The following GPC5 variants were observed in gnomAD, a reference collection of about 807,000 sequenced individuals.
The protein encoded by GPC5 is glypican 5.
In GPC5, 47 loss-of-function variants were observed where a neutral mutation model predicts 53.9. That is an observed-to-expected ratio of 0.87 (90% CI 0.69 to 1.11). The LOEUF (loss-of-function observed/expected upper bound fraction) is 1.11, where lower values mean the gene tolerates loss of function less well. Among genes scored for constraint, GPC5 ranks in the 50% most tolerant of loss-of-function variants. GPC5 has a pLI of 0.00. For synonymous variants in GPC5, 286 were observed against 263.3 expected, an observed-to-expected ratio of 1.09 and a Z score of -0.84; for missense variants, 748 against 713.1, an observed-to-expected ratio of 1.05 and a Z score of -0.56.
chr13:91,643,881 A>C (rs537075483), intron 2 of GPC5, among the ~76,000 whole-genome samples: 2 of 152,172 alleles, frequency 1.3e-5, no homozygotes, highest in South Asian at 4.2e-4. Context: ...TTTTGTTTTC[A>C]ATGACCCTGT....
At chr13:92,267,087 A>G (rs1344991641) in intron 7 of GPC5, among the ~76,000 whole-genome samples, 1 of 151,906 alleles carries the variant, frequency 6.6e-6, no homozygotes, top group Admixed American at 6.6e-5. Context: ...CTTCTGCACA[A>G]TTCATTTCTT....
chr13:91,864,856 A>T (rs887799426), intron 5 of GPC5, among the ~76,000 whole-genome samples: 1 of 151,800 alleles, frequency 6.6e-6, no homozygotes, highest in African/African-American at 2.4e-5. Context: ...TGCACACATT[A>T]TAGCAAACAC....
intron 7 of GPC5, among the ~76,000 whole-genome samples, chr13:92,215,958 G>GA (rs763297578): frequency 1.3e-5 from 2 of 152,146 alleles, no homozygotes; most frequent in Non-Finnish European, 2.9e-5. Context: ...AGTGCATGGT[G>GA]AGAGGGTCTG....
At chr13:91,538,349 A>T (rs990709369) in intron 2 of GPC5, among the ~76,000 whole-genome samples, 1 of 152,194 alleles carries the variant, frequency 6.6e-6, no homozygotes, top group Non-Finnish European at 1.5e-5. Flanking sequence ...CATTCCATCC[A>T]TATTGCAAAA....
chr13:91,967,298 T>C (rs1343582581), intron 6 of GPC5, among the ~76,000 whole-genome samples: 5 of 152,198 alleles, frequency 3.3e-5, no homozygotes, highest in Admixed American at 6.5e-5. Flanking sequence ...ATGGGAATTA[T>C]GGGAGCTACA....
intron 7 of GPC5, among the ~76,000 whole-genome samples, chr13:92,708,857 CTTTTTTTTTTTTTTTTTTTT>C (rs752130758): frequency 4.4e-4 from 21 of 48,182 alleles, no homozygotes; most frequent in East Asian, 9.1e-4. Context: ...TGGAAACCGC[CTTTTTTTTTTTTTTTTTTTT>C]TTTTTTTTTT....
intron 7 of GPC5, among the ~76,000 whole-genome samples, chr13:92,846,890 A>G (rs1310509384): frequency 6.6e-6 from 1 of 152,214 alleles, no homozygotes; most frequent in Non-Finnish European, 1.5e-5. Flanking sequence ...TGCCCATCTC[A>G]AAGTCTTTCT....
At chr13:91,435,503 T>A (rs1398736334) in intron 1 of GPC5, among the ~76,000 whole-genome samples, 1 of 152,242 alleles carries the variant, frequency 6.6e-6, no homozygotes, top group Admixed American at 6.5e-5. Context: ...GATTTGCGTA[T>A]GTTGAACCAG....
chr13:92,607,071 T>C (rs927129206), intron 7 of GPC5, among the ~76,000 whole-genome samples: 5 of 152,208 alleles, frequency 3.3e-5, no homozygotes, highest in Admixed American at 6.5e-5. Context: ...TATGTAGATT[T>C]GATGTTCTGA....
chr13:92,284,641 C>A (rs1477091216), intron 7 of GPC5, among the ~76,000 whole-genome samples: 1 of 152,114 alleles, frequency 6.6e-6, no homozygotes, highest in Non-Finnish European at 1.5e-5. Flanking sequence ...AGACAAAAAA[C>A]ACATGATTAT....
chr13:91,766,845 G>C (rs1198741895), intron 5 of GPC5, among the ~76,000 whole-genome samples: 1 of 152,168 alleles, frequency 6.6e-6, no homozygotes, highest in African/African-American at 2.4e-5. Flanking sequence ...GGGTGACAGA[G>C]AGAGACTTTA....
intron 7 of GPC5, among the ~76,000 whole-genome samples, chr13:92,290,573 G>C (rs564508507): frequency 3.8e-4 from 58 of 152,318 alleles, no homozygotes; most frequent in Admixed American, 2.4e-3. Context: ...TTATGAGGGA[G>C]AACATAGGAT....
intron 3 of GPC5, among the ~76,000 whole-genome samples, chr13:91,694,693 T>G (rs1179253093): frequency 4.6e-5 from 7 of 152,132 alleles, no homozygotes; most frequent in Non-Finnish European, 7.4e-5. Flanking sequence ...GAAATAAAAT[T>G]ATACTCTCCA....
intron 5 of GPC5, among the ~76,000 whole-genome samples, chr13:91,815,965 A>G (rs2038392873): frequency 1.3e-5 from 2 of 152,058 alleles, no homozygotes; most frequent in Non-Finnish European, 2.9e-5. Flanking sequence ...GATATATTGT[A>G]TTTGATTATG....
intron 7 of GPC5, among the ~76,000 whole-genome samples, chr13:92,296,503 G>T (rs1376316798): frequency 1.4e-4 from 22 of 152,136 alleles, no homozygotes; most frequent in Admixed American, 1.4e-3. Flanking sequence ...CAGCATGCTG[G>T]CAGCCCTCAG....
chr13:92,470,274 A>G (rs1404288279), intron 7 of GPC5, among the ~76,000 whole-genome samples: 1 of 152,160 alleles, frequency 6.6e-6, no homozygotes, highest in East Asian at 1.9e-4. Flanking sequence ...TTGCTCTGCA[A>G]TAGTAAATCG....
chr13:92,407,920 G>T (rs1875863491), intron 7 of GPC5, among the ~76,000 whole-genome samples: 1 of 152,206 alleles, frequency 6.6e-6, no homozygotes, highest in Admixed American at 6.5e-5. Context: ...GTGAGTAAAA[G>T]ATTGGTCTAT....
chr13:92,863,430 T>G (rs575222299), intron 7 of GPC5, among the ~76,000 whole-genome samples: 1 of 152,346 alleles, frequency 6.6e-6, no homozygotes, highest in African/African-American at 2.4e-5. Context: ...GCTCTGTAGA[T>G]ATTATCAAAT....
chr13:91,478,822 T>TATATATATATACACACAC (rs1323023652), intron 2 of GPC5, among the ~76,000 whole-genome samples: 1 of 92,176 alleles, frequency 1.1e-5, no homozygotes, highest in African/African-American at 5.2e-5. Context: ...TATATATATA[T>TATATATATATACACACAC]ACACACACAC....
Sources: gnomAD v4.1 joint callset for allele counts (sites outside exome capture counted in the v4.1 genomes callset) on GRCh38, gnomAD v4.1.1 for gene constraint, MANE v1.5 for transcripts, NCBI Gene and HGNC (gene_info 2026-07-23, HGNC 2026-07-21) for gene names.